The following CCDC146 variants were observed in gnomAD, a reference collection of about 807,000 sequenced individuals.
CCDC146 encodes coiled-coil domain-containing protein 146.
In CCDC146, 92 loss-of-function variants were observed where a neutral mutation model predicts 119.3. That is an observed-to-expected ratio of 0.77 (90% CI 0.65 to 0.92). The LOEUF (loss-of-function observed/expected upper bound fraction) is 0.92. Ranked by LOEUF, CCDC146 falls within the 40% of genes least tolerant of loss-of-function variation. CCDC146 has a pLI of 0.00. For synonymous variants in CCDC146, 372 were observed against 371.8 expected (o/e 1.00, Z -0.01); for missense variants, 1,000 against 1,103.0 (o/e 0.91, Z 1.32).
At chr7:77,217,197 G>T (rs534372836) in intron 2 of CCDC146, among the ~76,000 whole-genome samples, 1 of 151,916 alleles carries the variant, frequency 6.6e-6, no homozygotes, top group South Asian at 2.1e-4. Flanking sequence ...GTCATATAAC[G>T]TTATGCTCAG....
At chr7:77,143,286 G>A (rs1252377497) in intron 1 of CCDC146, among the ~76,000 whole-genome samples, 2 of 151,698 alleles carry the variant, frequency 1.3e-5, no homozygotes, top group African/African-American at 2.4e-5. Flanking sequence ...TTATAAATTT[G>A]TTTGAGTTCT....
intron 1 of CCDC146, among the ~76,000 whole-genome samples, chr7:77,155,271 G>T (rs1486111028): frequency 6.6e-6 from 1 of 152,068 alleles, no homozygotes; most frequent in African/African-American, 2.4e-5. Context: ...TCTATAGCCC[G>T]CTGTTTTGCT....
chr7:77,217,615 A>G (rs1473278223), intron 2 of CCDC146, among the ~76,000 whole-genome samples: 2 of 151,894 alleles, frequency 1.3e-5, no homozygotes, highest in Non-Finnish European at 2.9e-5. Flanking sequence ...GGGTGTAGTC[A>G]TGTGTCACTT....
At chr7:77,231,026 A>G (rs1437969876) in intron 2 of CCDC146, among the ~76,000 whole-genome samples, 1 of 152,230 alleles carries the variant, frequency 6.6e-6, no homozygotes, top group Non-Finnish European at 1.5e-5. Flanking sequence ...TAAACAATCC[A>G]TAAGTTTAAA....
chr7:77,226,514 G>A lies in CCDC146; in HGVS notation c.157-10433G>A, dbSNP rs184031238. Reference sequence around the variant, plus strand: ...GAAATGTCCTAGAATTTCCATTTTTGAAATTTTTTCCATATTGTTACATGT... The same window carrying A: ...GAAATGTCCTAGAATTTCCATTTTTAAAATTTTTTCCATATTGTTACATGT... On this transcript the variant is annotated intron_variant, in intron 2 of 18. Coordinates refer to ENST00000285871, the MANE Select transcript of CCDC146 (RefSeq NM_020879.3). Among the ~76,000 whole-genome samples the A allele has an allele frequency of 5.9e-3, 902 of 152,228 alleles. 4 individuals carry two copies. Among genetic ancestry groups the A allele is most frequent in the Non-Finnish European group, 9.2e-3 (628 of 68,010 alleles).
intron 2 of CCDC146, among the ~76,000 whole-genome samples, chr7:77,207,774 A>G (rs190860404): frequency 3.8e-4 from 58 of 152,292 alleles, no homozygotes; most frequent in Non-Finnish European, 6.9e-4. Flanking sequence ...AGAGATCTGT[A>G]AGGTCCTTTT....
At chr7:77,274,039 A>C (rs928904120) in intron 10 of CCDC146, among the ~76,000 whole-genome samples, 2 of 152,268 alleles carry the variant, frequency 1.3e-5, no homozygotes, top group East Asian at 1.9e-4. Flanking sequence ...TGTTGATTAC[A>C]TTAAAAGTAA....
At chr7:77,202,266 G>A (rs1238831542) in intron 2 of CCDC146, among the ~76,000 whole-genome samples, 9 of 152,230 alleles carry the variant, frequency 5.9e-5, no homozygotes, top group Non-Finnish European at 1.5e-5. Flanking sequence ...TTAGAAAGGG[G>A]CATTAAAGAC....
Position 77,282,655 on chromosome 7 carries a change from A to G in CCDC146, c.2018A>G (p.His673Arg). The stretch of plus-strand genomic sequence containing the variant: ...AAACTAAATGGAGAAATTGAAATAC[A>G]TCTACTGGAAGAAAAGATCCAATTC... ...KMKLNGEIEI[H>R]LLEEKIQFLK... The change falls in exon 15 of 19, where the codon CAT (histidine) becomes CGT (arginine). Residue 673 changes from histidine (H) to arginine (R), a missense_variant. By Grantham distance (29) the His-to-Arg change is conservative. Coordinates refer to ENST00000285871, the MANE Select transcript of CCDC146 (RefSeq NM_020879.3). 6.2e-7 allele frequency: 1 copy of G among 1,612,270 alleles called. No individual in the cohort carries two copies. The highest frequency in any genetic ancestry group is 8.5e-7 in the Non-Finnish European group (1 of 1,178,274).
chr7:77,292,813 T>C (rs748057126), intron 17 of CCDC146, 139 bp from the exon 18 acceptor site: 45 of 818,176 alleles, frequency 5.5e-5, no homozygotes, highest in Non-Finnish European at 8.0e-5. Context: ...TTCCAGTTCT[T>C]AATTTCTGTG....
chr7:77,271,525 T>G (rs1466686589), intron 9 of CCDC146, among the ~76,000 whole-genome samples: 6 of 1,528 alleles, frequency 3.9e-3, no homozygotes, highest in South Asian at 0.042. Flanking sequence ...TATATATATA[T>G]ATATATATAT....
At chr7:77,141,619 C>T (rs1469589102) in intron 1 of CCDC146, among the ~76,000 whole-genome samples, 2 of 152,098 alleles carry the variant, frequency 1.3e-5, no homozygotes, top group Admixed American at 6.6e-5. Context: ...TTCTAACTGA[C>T]GTGAGATGGC....
At chr7:77,212,620 C>CA (rs11449217) in intron 2 of CCDC146, among the ~76,000 whole-genome samples, 13,525 of 80,586 alleles carry the variant, frequency 0.17, 1,334 homozygotes, top group Non-Finnish European at 0.22. Flanking sequence ...GACTCCGTCT[C>CA]AAAAAAAAAA....
chr7:77,282,367 C>A (rs1793780121), intron 14 of CCDC146, 190 bp from the exon 15 acceptor site: 2 of 526,990 alleles, frequency 3.8e-6, no homozygotes, highest in Non-Finnish European at 6.7e-6. Context: ...GGCTCAGTAA[C>A]CCTCCTATCC....
Position 77,286,828 on chromosome 7 carries a change from C to A in CCDC146, c.2179C>A (p.Leu727Met), listed in dbSNP as rs1448579503. The A allele has an allele frequency of 6.2e-7, 1 of 1,613,756 alleles. No individual in the cohort carries two copies. Among genetic ancestry groups the A allele is most frequent in the South Asian group, 1.1e-5 (1 of 91,070 alleles). Residue 727 changes from leucine to methionine, a missense_variant, in exon 16 of 19, where the codon CTG (leucine) becomes ATG (methionine). Leu to Met is a conservative substitution (Grantham distance 15). This residue lies in a region of CCDC146 where 985 missense variants were observed against 1,045.3 expected (regional missense o/e 0.94). Coordinates refer to ENST00000285871, the MANE Select transcript of CCDC146 (RefSeq NM_020879.3). ...ACAGTGTACAGACAGAATTAAAGAC[C>A]TGGAGAAACAGTTCGTAAAGCCTGA... Reference protein sequence around the residue: ...FSQCTDRIKDLEKQFVKPDGE... With the variant: ...FSQCTDRIKDMEKQFVKPDGE...
At chr7:77,215,629 CA>C (rs1792288706) in intron 2 of CCDC146, among the ~76,000 whole-genome samples, 1 of 152,090 alleles carries the variant, frequency 6.6e-6, no homozygotes, top group African/African-American at 2.4e-5. Flanking sequence ...AATAATTACA[CA>C]GGGAATTTAT....
At chr7:77,181,964 T>A (rs961940974) in intron 2 of CCDC146, among the ~76,000 whole-genome samples, 3 of 152,184 alleles carry the variant, frequency 2.0e-5, no homozygotes, top group Non-Finnish European at 4.4e-5. Context: ...TGTACGTTGA[T>A]GTAGGGGAAA....
At chr7:77,182,067 T>C (rs1051118900) in intron 2 of CCDC146, among the ~76,000 whole-genome samples, 1 of 152,138 alleles carries the variant, frequency 6.6e-6, no homozygotes, top group Admixed American at 6.5e-5. Flanking sequence ...GCCTATGCAA[T>C]CCAGGTGGAG....
intron 4 of CCDC146, among the ~76,000 whole-genome samples, chr7:77,251,618 A>G (rs1793061610): frequency 6.6e-6 from 1 of 151,866 alleles, no homozygotes; most frequent in South Asian, 2.1e-4. Context: ...GTGTGGAGGG[A>G]GGGGAGCATT....
Sources: gnomAD v4.1 joint callset for allele counts (sites outside exome capture counted in the v4.1 genomes callset) on GRCh38, gnomAD v4.1.1 for gene constraint, gnomAD v4.1.1 regional missense constraint, MANE v1.5 for transcripts, NCBI Gene and HGNC (gene_info 2026-07-23, HGNC 2026-07-21) for gene names.